The following ADAMTS18 variants were observed in gnomAD, a reference collection of about 807,000 sequenced individuals.
ADAMTS18 encodes A disintegrin and metalloproteinase with thrombospondin motifs 18.
ADAMTS18 carries 157 observed loss-of-function variants against 165.9 expected under a neutral mutation model. The ratio of observed to expected loss-of-function variants is 0.95; its 90% confidence interval spans 0.83 to 1.08. The LOEUF is 1.08. ADAMTS18 is among the 50% of genes least tolerant of loss of function. The pLI is 0.00. For synonymous variants in ADAMTS18, 782 were observed against 578.2 expected, an observed-to-expected ratio of 1.35 and a Z score of -5.06; for missense variants, 2,040 against 1,534.0, an observed-to-expected ratio of 1.33 and a Z score of -5.51.
intron 3 of ADAMTS18, among the ~76,000 whole-genome samples, chr16:77,418,344 T>C (rs10781987): frequency 0.59 from 89,889 of 152,016 alleles, 27,680 homozygotes; most frequent in Middle Eastern, 0.73. Flanking sequence ...AGTTTGTGAT[T>C]GTGCTCTATG....
chr16:77,388,089 T>C (rs2057134651), intron 3 of ADAMTS18, among the ~76,000 whole-genome samples: 1 of 152,160 alleles, frequency 6.6e-6, no homozygotes, highest in African/African-American at 2.4e-5. Context: ...AAGGCTAGAT[T>C]CACCTACTCA....
At chr16:77,399,473 T>C (rs536410047) in intron 3 of ADAMTS18, among the ~76,000 whole-genome samples, 9 of 152,256 alleles carry the variant, frequency 5.9e-5, no homozygotes, top group African/African-American at 2.2e-4. Context: ...CTGACTTAAG[T>C]TTTTATGTTG....
At chr16:77,425,374 G>C (rs1476175767) in intron 3 of ADAMTS18, among the ~76,000 whole-genome samples, 1 of 152,170 alleles carries the variant, frequency 6.6e-6, no homozygotes, top group Non-Finnish European at 1.5e-5. Context: ...ACTCCACTCA[G>C]AGCATCAGAT....
intron 3 of ADAMTS18, among the ~76,000 whole-genome samples, chr16:77,369,788 AG>A (rs2056850390): frequency 6.6e-6 from 1 of 152,220 alleles, no homozygotes; most frequent in African/African-American, 2.4e-5. Flanking sequence ...AAGAACAAAA[AG>A]AAATCTACGG....
At chr16:77,290,206 A>AAGAT (rs780066415) in intron 21 of ADAMTS18, among the ~76,000 whole-genome samples, 5 of 152,126 alleles carry the variant, frequency 3.3e-5, no homozygotes, top group Non-Finnish European at 5.9e-5. Context: ...TTTAAAGGGG[A>AAGAT]AGATAGATAG....
At chr16:77,416,419 G>C (rs1597248653) in intron 3 of ADAMTS18, among the ~76,000 whole-genome samples, 1 of 152,146 alleles carries the variant, frequency 6.6e-6, no homozygotes, top group African/African-American at 2.4e-5. Flanking sequence ...ATCCCCACAT[G>C]TCAAGGGCAG....
intron 10 of ADAMTS18, among the ~76,000 whole-genome samples, chr16:77,349,741 G>A (rs189550727): frequency 5.7e-4 from 87 of 152,256 alleles, no homozygotes; most frequent in African/African-American, 2.1e-3. Flanking sequence ...ATCCTAAAAT[G>A]CTTGAGACTT....
intron 16 of ADAMTS18, among the ~76,000 whole-genome samples, chr16:77,303,340 T>C (rs1316368308): frequency 2.6e-5 from 4 of 152,178 alleles, no homozygotes; most frequent in African/African-American, 7.2e-5. Flanking sequence ...CCATACTACA[T>C]TGTCTACTTG....
Position 77,411,400 on chromosome 16 carries a change from C to A in ADAMTS18, c.495+19895G>T, listed in dbSNP as rs374909269. Among the ~76,000 whole-genome samples the A allele has an allele frequency of 2.6e-5, 4 of 152,266 alleles. No individual in the cohort carries two copies. In the East Asian group the frequency reaches 5.8e-4, roughly 22 times the overall value. ...GCTTTCTGGATACTCTCTGGTTGGACCTGCTTGGCGCTTGAGACATATTTC... is the reference window on the plus strand; with the variant it reads ...GCTTTCTGGATACTCTCTGGTTGGAACTGCTTGGCGCTTGAGACATATTTC... On this transcript the variant is annotated intron_variant, in intron 3 of 22. Transcript: ENST00000282849.
chr16:77,300,498 A>T (rs2055562100), intron 16 of ADAMTS18, 94 bp from the exon 17 acceptor site: 1 of 1,436,764 alleles, frequency 7.0e-7, no homozygotes, highest in African/African-American at 1.4e-5. Context: ...TATTTACATG[A>T]CATTTTGACC....
intron 5 of ADAMTS18, 85 bp downstream of exon 5, chr16:77,364,103 A>C: frequency 6.5e-7 from 1 of 1,547,420 alleles, no homozygotes; most frequent in Non-Finnish European, 8.9e-7. Flanking sequence ...CCGACCTAAT[A>C]CACCTGCTAT....
intron 3 of ADAMTS18, among the ~76,000 whole-genome samples, chr16:77,404,267 A>C (rs761058679): frequency 1.6e-4 from 25 of 152,194 alleles, no homozygotes; most frequent in Non-Finnish European, 3.1e-4. Context: ...AAGCCAATAG[A>C]TGCCTATGAC....
chr16:77,344,942 C>CT (rs1305054006), intron 10 of ADAMTS18, among the ~76,000 whole-genome samples: 21 of 152,102 alleles, frequency 1.4e-4, no homozygotes, highest in African/African-American at 5.1e-4. Flanking sequence ...TACCTCCCCC[C>CT]TCTTTTTACC....
rs1359420741 is a variant in ADAMTS18, at chr16:77,357,977, T to C, written c.1322+1341A>G. Reference sequence around the variant, plus strand: ...ATGCAAAGATAATGAAATTTTTCAATGACCAGTATTTTGAAAAGTGACACC... The same window carrying C: ...ATGCAAAGATAATGAAATTTTTCAACGACCAGTATTTTGAAAAGTGACACC... On this transcript the variant is annotated intron_variant, in intron 8 of 22. Transcript: ENST00000282849. 2.0e-5 allele frequency among the ~76,000 whole-genome samples: 3 copies of C among 152,234 alleles called. No homozygotes were observed. In the East Asian group the frequency reaches 5.8e-4, roughly 29 times the overall value.
At chr16:77,422,101 G>T (rs898533470) in intron 3 of ADAMTS18, among the ~76,000 whole-genome samples, 3 of 152,038 alleles carry the variant, frequency 2.0e-5, no homozygotes, top group African/African-American at 7.2e-5. Context: ...GCAGCCCTCA[G>T]TTTGCTATGC....
At chr16:77,393,403 G>T (rs1396422413) in intron 3 of ADAMTS18, among the ~76,000 whole-genome samples, 6 of 152,156 alleles carry the variant, frequency 3.9e-5, no homozygotes, top group Admixed American at 2.6e-4. Context: ...GAATGGACAG[G>T]GTTCTAAACC....
rs186167059 is a variant in ADAMTS18 at position 77,386,266 on chromosome 16, C to T, written c.496-18543G>A. Reference sequence around the variant, plus strand: ...CAGAGCTCATCATCAACCTGGCTGACCACCAGGCTTAAAGATGCAAATACC... The same window carrying T: ...CAGAGCTCATCATCAACCTGGCTGATCACCAGGCTTAAAGATGCAAATACC... On this transcript the variant is annotated intron_variant, in intron 3 of 22. Coordinates refer to ENST00000282849, the MANE Select transcript of ADAMTS18 (RefSeq NM_199355.4). 3.8e-3 allele frequency among the ~76,000 whole-genome samples: 584 copies of T among 152,260 alleles called. 2 individuals carry two copies. Among genetic ancestry groups the T allele is most frequent in the Non-Finnish European group, 5.0e-3 (337 of 68,016 alleles).
chr16:77,289,364 A>G lies in ADAMTS18; in HGVS notation c.3450T>C (p.Cys1150=), dbSNP rs774106831. The change falls in exon 22 of 23, where the codon TGT becomes TGC. Residue 1150 remains cysteine, a synonymous_variant. Coordinates refer to ENST00000282849, the MANE Select transcript of ADAMTS18 (RefSeq NM_199355.4). The part of the protein sequence containing the change: ...GGGVQTRSVH[C]VQQGRPSSSC... ...TTGAGGAAGGCCGGCCTTGCTGAAC[A>G]CAGTGGACTGACCGGGTCTGGACCC... The G allele has an allele frequency of 6.2e-7, 1 of 1,614,136 alleles. No individual in the cohort carries two copies. The highest frequency in any genetic ancestry group is 8.5e-7 in the Non-Finnish European group (1 of 1,180,012).
At position 77,345,222 on chromosome 16, in the gene ADAMTS18, A is replaced by T. The variant is rs137999122; in HGVS notation, c.1615-3423T>A. On this transcript the variant is annotated intron_variant, in intron 10 of 22. Coordinates refer to ENST00000282849, the MANE Select transcript of ADAMTS18 (RefSeq NM_199355.4). ...AAAATGTTAATGGCTTTTGCAAACC[A>T]AATTTTATGAAGCATTACAAACTGA... Among the ~76,000 whole-genome samples, 856 of 152,290 alleles carry T rather than the reference A, an allele frequency of 5.6e-3. 5 individuals are homozygous for T. Among genetic ancestry groups the T allele is most frequent in the Non-Finnish European group, 0.01 (708 of 68,024 alleles).
Sources: allele counts gnomAD v4.1 joint callset (sites outside exome capture counted in the v4.1 genomes callset), GRCh38; gene constraint gnomAD v4.1.1; transcripts MANE v1.5; gene names NCBI Gene and HGNC (gene_info 2026-07-23, HGNC 2026-07-21).